The following NBAS variants were observed in gnomAD, a reference collection of about 807,000 sequenced individuals.
The protein encoded by NBAS is NAG/BC035112 fusion.
In NBAS, 219 loss-of-function variants were observed where a neutral mutation model predicts 302.5. The ratio of observed to expected loss-of-function variants is 0.72; its 90% CI spans 0.65 to 0.81. The LOEUF (loss-of-function observed/expected upper bound fraction) is 0.81. NBAS is among the 30% of genes least tolerant of loss of function. The pLI, the probability that NBAS is intolerant of heterozygous loss-of-function variation, is 0.00. For missense variants in NBAS, 2,932 were observed against 2,841.6 expected, an observed-to-expected ratio of 1.03 and a Z score of -0.72; for synonymous variants, 1,118 against 1,021.6, an observed-to-expected ratio of 1.09 and a Z score of -1.80.
chr2:15,417,753 A>G (rs1278177791), intron 23 of NBAS, 41 bp from the exon 24 acceptor site: 2 of 1,569,910 alleles, frequency 1.3e-6, no homozygotes, highest in South Asian at 1.1e-5. Context: ...AGTATTATAT[A>G]TTTCTCATCT....
the NBAS span, among the ~76,000 whole-genome samples, chr2:15,109,389 G>A: frequency 6.6e-6 from 1 of 152,144 alleles, no homozygotes; most frequent in East Asian, 1.9e-4. Context: ...TTTGCCACAA[G>A]TAACTGAGGA....
chr2:15,443,438 G>A (rs1678549007), intron 21 of NBAS, among the ~76,000 whole-genome samples: 1 of 152,036 alleles, frequency 6.6e-6, no homozygotes, highest in Non-Finnish European at 1.5e-5. Flanking sequence ...AAAGACCTTT[G>A]ACAAAATTCA....
chr2:15,342,027 T>C (rs1672877232), intron 35 of NBAS, among the ~76,000 whole-genome samples: 1 of 152,148 alleles, frequency 6.6e-6, no homozygotes, highest in African/African-American at 2.4e-5. Context: ...GGACATACCA[T>C]GCTTCCAGTG....
chr2:14,870,261 A>G, the NBAS span, among the ~76,000 whole-genome samples: 3 of 152,188 alleles, frequency 2.0e-5, no homozygotes, highest in African/African-American at 7.2e-5. Context: ...GCCACAGGAC[A>G]GTGTACTCAA....
rs534749681 is a variant in NBAS, at chr2:15,314,164, G to A, written c.4583-4917C>T. Among the ~76,000 whole-genome samples the A allele has an allele frequency of 1.7e-3, 262 of 152,238 alleles. 1 individual carries two copies. Among genetic ancestry groups the A allele is most frequent in the African/African-American group, 5.9e-3 (247 of 41,538 alleles). Reference sequence around the variant, plus strand: ...AAGCTAGGAGTTTGAGACCAGCCTGGTCAAGATGGTGAAACCCCATCTCTA... The same window carrying A: ...AAGCTAGGAGTTTGAGACCAGCCTGATCAAGATGGTGAAACCCCATCTCTA... On this transcript the variant is annotated intron_variant, in intron 38 of 51. Transcript: ENST00000281513.
the NBAS span, among the ~76,000 whole-genome samples, chr2:14,855,341 C>T: frequency 6.6e-6 from 1 of 152,090 alleles, no homozygotes; most frequent in Non-Finnish European, 1.5e-5. Flanking sequence ...ACCTAACCAG[C>T]TGTGGTGTCT....
chr2:15,306,222 C>T (rs529290259), intron 40 of NBAS, among the ~76,000 whole-genome samples: 2 of 152,170 alleles, frequency 1.3e-5, no homozygotes, highest in South Asian at 2.1e-4. Context: ...TATAAAAAAA[C>T]AAAATTACTA....
chr2:15,499,899 C>T (rs1661427050), intron 11 of NBAS, among the ~76,000 whole-genome samples: 1 of 152,082 alleles, frequency 6.6e-6, no homozygotes, highest in Non-Finnish European at 1.5e-5. Flanking sequence ...AAGAAATTGT[C>T]ATGAAATACG....
chr2:15,049,498 G>A, the NBAS span, among the ~76,000 whole-genome samples: 1 of 152,208 alleles, frequency 6.6e-6, no homozygotes, highest in African/African-American at 2.4e-5. Flanking sequence ...CTGAGCTCTT[G>A]ATAGGGAGAG....
the NBAS span, among the ~76,000 whole-genome samples, chr2:14,823,098 A>G: frequency 6.6e-6 from 1 of 152,214 alleles, no homozygotes; most frequent in African/African-American, 2.4e-5. Context: ...TTTTTTAACA[A>G]AATATACTCT....
chr2:15,117,701 C>T, the NBAS span, among the ~76,000 whole-genome samples: 1 of 152,206 alleles, frequency 6.6e-6, no homozygotes, highest in Non-Finnish European at 1.5e-5. Context: ...TCATGGACTC[C>T]TTTCTCTGGA....
intron 24 of NBAS, among the ~76,000 whole-genome samples, chr2:15,416,927 C>T (rs1676967943): frequency 6.6e-6 from 1 of 152,090 alleles, no homozygotes; most frequent in African/African-American, 2.4e-5. Flanking sequence ...GACTCTGCCC[C>T]TTCTTCTGGA....
the NBAS span, among the ~76,000 whole-genome samples, chr2:14,898,925 C>T: frequency 1.6e-4 from 25 of 152,252 alleles, no homozygotes; most frequent in African/African-American, 4.8e-4. Flanking sequence ...ATTGTGTCTA[C>T]GTTTCTGTAG....
chr2:14,967,776 T>C, the NBAS span, among the ~76,000 whole-genome samples: 9 of 152,224 alleles, frequency 5.9e-5, no homozygotes, highest in South Asian at 8.3e-4. Flanking sequence ...ATCCACAGAA[T>C]GGAAAAAAAT....
chr2:15,034,029 G>GAAGAAGAAGAA, the NBAS span, among the ~76,000 whole-genome samples: 23 of 11,538 alleles, frequency 2.0e-3, 1 homozygote, highest in East Asian at 0.012. Flanking sequence ...AAGAAGAAGA[G>GAAGAAGAAGAA]GAGGAGGAAG....
Position 15,548,131 on chromosome 2 carries a change from CA to C in NBAS, c.379+3361del, listed in dbSNP as rs1168336265. Among the ~76,000 whole-genome samples the C allele has an allele frequency of 2.0e-5, 3 of 152,168 alleles. No individual in the cohort carries two copies. In the East Asian group the frequency reaches 5.8e-4, roughly 29 times the overall value. On this transcript the variant is annotated intron_variant, in intron 6 of 51. Coordinates refer to ENST00000281513, the MANE Select transcript of NBAS (RefSeq NM_015909.4). The stretch of plus-strand genomic sequence containing the variant: ...TTTCTAAAGTTAAACAAGAAACAGG[CA>C]AACATACTTTGTTGGTATATTCATT...
intron 21 of NBAS, among the ~76,000 whole-genome samples, chr2:15,455,525 T>C (rs750753741): frequency 2.0e-5 from 3 of 152,098 alleles, no homozygotes; most frequent in African/African-American, 7.2e-5. Context: ...AATAAGTATA[T>C]GAAGTATATA....
At chr2:15,194,822 C>T (rs1009521273) in intron 48 of NBAS, among the ~76,000 whole-genome samples, 8 of 152,152 alleles carry the variant, frequency 5.3e-5, no homozygotes, top group African/African-American at 1.4e-4. Flanking sequence ...TCCACTCCTA[C>T]CACTCTTGTT....
At chr2:15,328,970 T>C (rs542931734) in intron 36 of NBAS, among the ~76,000 whole-genome samples, 1 of 152,324 alleles carries the variant, frequency 6.6e-6, no homozygotes, top group East Asian at 1.9e-4. Flanking sequence ...GGATGCAAGA[T>C]GATATATGAC....
Sources: gnomAD v4.1 joint callset for allele counts (sites outside exome capture counted in the v4.1 genomes callset) on GRCh38, gnomAD v4.1.1 for gene constraint, MANE v1.5 for transcripts, NCBI Gene and HGNC (gene_info 2026-07-23, HGNC 2026-07-21) for gene names.